DPYD: variants seen among roughly 807,000 people sequenced by gnomAD.
DPYD encodes the protein dihydropyrimidine dehydrogenase [NADP(+)].
In DPYD, 109 loss-of-function variants were observed where a neutral mutation model predicts 116.2. That is an observed-to-expected ratio of 0.94 (90% CI 0.80 to 1.10). The LOEUF is 1.10. Ranked by LOEUF, DPYD falls within the 50% of genes least tolerant of loss-of-function variation. The pLI, the probability that DPYD is intolerant of heterozygous loss-of-function variation, is 0.00. For synonymous variants in DPYD, 440 were observed against 432.0 expected, an observed-to-expected ratio of 1.02 and a Z score of -0.23; for missense variants, 1,302 against 1,254.5, an observed-to-expected ratio of 1.04 and a Z score of -0.57.
At chr1:97,315,439 C>T (rs1403065291) in intron 16 of DPYD, among the ~76,000 whole-genome samples, 1 of 151,920 alleles carries the variant, frequency 6.6e-6, no homozygotes, top group Non-Finnish European at 1.5e-5. Context: ...TATCAGGGTC[C>T]AATGGCTCCC....
chr1:97,193,727 C>A (rs1658551805), intron 19 of DPYD, among the ~76,000 whole-genome samples: 1 of 152,142 alleles, frequency 6.6e-6, no homozygotes, highest in African/African-American at 2.4e-5. Flanking sequence ...CTGTCTCCCT[C>A]CTCATCTGCT....
intron 3 of DPYD, among the ~76,000 whole-genome samples, chr1:97,827,893 T>A (rs77157605): frequency 6.6e-6 from 1 of 152,146 alleles, no homozygotes; most frequent in Non-Finnish European, 1.5e-5. Flanking sequence ...GCATTTTAAG[T>A]AACAAATTAA....
intron 3 of DPYD, among the ~76,000 whole-genome samples, chr1:97,823,202 T>C (rs1024417275): frequency 6.6e-6 from 1 of 152,156 alleles, no homozygotes; most frequent in Non-Finnish European, 1.5e-5. Context: ...TCACCCAGGC[T>C]GAAGGGCAGT....
intron 10 of DPYD, among the ~76,000 whole-genome samples, chr1:97,587,082 A>T (rs1654179508): frequency 6.6e-6 from 1 of 152,208 alleles, no homozygotes; most frequent in African/African-American, 2.4e-5. Context: ...AAGTGCTCCA[A>T]CTGTAATTCC....
chr1:97,656,966 A>ATTT (rs71590230), intron 8 of DPYD, among the ~76,000 whole-genome samples: 15 of 116,512 alleles, frequency 1.3e-4, no homozygotes, highest in Non-Finnish European at 2.6e-4. Context: ...GCATGATTGT[A>ATTT]TTTTTTTTTT....
chr1:97,721,546 G>A lies in DPYD; in HGVS notation c.447C>T (p.Pro149=), dbSNP rs759858246. 1.2e-6 allele frequency: 2 copies of A among 1,611,474 alleles called. No individual in the cohort carries two copies. Among genetic ancestry groups the A allele is most frequent in the Non-Finnish European group, 1.7e-6 (2 of 1,178,346 alleles). ...ATTGCTGCAATCCACCAATATTAAT[G>A]GGTCCCTCTTCAGTGGCATATAAAT... The part of the protein sequence containing the change: ...GCNLYATEEG[P]INIGGLQQFA... The change falls in exon 5 of 23, where the codon CCC becomes CCT. Residue 149 remains proline, a synonymous_variant. Transcript: ENST00000370192.
intron 12 of DPYD, among the ~76,000 whole-genome samples, chr1:97,539,059 T>C (rs989102419): frequency 1.3e-5 from 2 of 152,170 alleles, no homozygotes; most frequent in Non-Finnish European, 2.9e-5. Flanking sequence ...CAAACATATA[T>C]ATATACAGTA....
At position 97,506,821 on chromosome 1, in the gene DPYD, G is replaced by A. The variant is rs138306857; in HGVS notation, c.1740+8905C>T. 2.8e-3 allele frequency among the ~76,000 whole-genome samples: 428 copies of A among 151,984 alleles called. 1 individual carries two copies. The highest frequency in any genetic ancestry group is 9.4e-3 in the African/African-American group (389 of 41,510). ...ATTAAAAGATTTTTACTTAATATTC[G>A]AAATACATGCATTAAATTGTGTTTG... is the stretch of plus-strand genomic sequence containing the variant. On this transcript the variant is annotated intron_variant, in intron 13 of 22. Transcript: ENST00000370192.
intron 16 of DPYD, among the ~76,000 whole-genome samples, chr1:97,331,997 C>T (rs559054294): frequency 6.6e-6 from 1 of 152,154 alleles, no homozygotes; most frequent in Non-Finnish European, 1.5e-5. Flanking sequence ...TTATTTCTCT[C>T]GTATTCAAGG....
intron 6 of DPYD, among the ~76,000 whole-genome samples, chr1:97,698,267 G>T (rs1661409382): frequency 6.6e-6 from 1 of 151,546 alleles, no homozygotes; most frequent in Non-Finnish European, 1.5e-5. Context: ...AGTCAAATAA[G>T]ATTATATTAA....
intron 16 of DPYD, among the ~76,000 whole-genome samples, chr1:97,324,846 A>G (rs1035844744): frequency 6.6e-6 from 1 of 152,124 alleles, no homozygotes; most frequent in Non-Finnish European, 1.5e-5. Flanking sequence ...GATTTCTACA[A>G]GATGGATATG....
At chr1:97,167,802 T>C (rs1359282161) in intron 20 of DPYD, among the ~76,000 whole-genome samples, 23 of 152,302 alleles carry the variant, frequency 1.5e-4, no homozygotes, top group Admixed American at 1.4e-3. Context: ...TAGGGCTTTT[T>C]GTCTGATAGC....
chr1:97,481,159 A>C (rs887391371), intron 13 of DPYD, among the ~76,000 whole-genome samples: 1 of 152,158 alleles, frequency 6.6e-6, no homozygotes, highest in African/African-American at 2.4e-5. Flanking sequence ...AGAAAGAAAA[A>C]TGTAAGTAAT....
At chr1:97,188,289 C>T (rs1024736295) in intron 20 of DPYD, among the ~76,000 whole-genome samples, 1 of 152,082 alleles carries the variant, frequency 6.6e-6, no homozygotes, top group African/African-American at 2.4e-5. Flanking sequence ...ATTTTTGAAA[C>T]CTACTGAAAG....
chr1:97,277,384 AG>A (rs1327298958), intron 18 of DPYD, among the ~76,000 whole-genome samples: 1 of 151,706 alleles, frequency 6.6e-6, no homozygotes, highest in Non-Finnish European at 1.5e-5. Context: ...AAAAAAAAAA[AG>A]AGAACACAAA....
At chr1:97,637,588 G>A (rs976869320) in intron 8 of DPYD, among the ~76,000 whole-genome samples, 1 of 151,856 alleles carries the variant, frequency 6.6e-6, no homozygotes, top group Non-Finnish European at 1.5e-5. Context: ...TAGACCAGGA[G>A]ACATATATAT....
At chr1:97,851,769 A>G (rs1328926313) in intron 2 of DPYD, among the ~76,000 whole-genome samples, 3 of 151,728 alleles carry the variant, frequency 2.0e-5, no homozygotes, top group Non-Finnish European at 2.9e-5. Flanking sequence ...AAAGTTTTCT[A>G]TCAATTATAA....
chr1:97,556,232 T>C (rs140983881), intron 11 of DPYD, among the ~76,000 whole-genome samples: 2 of 152,340 alleles, frequency 1.3e-5, no homozygotes, highest in South Asian at 2.1e-4. Flanking sequence ...CTCATGAAAG[T>C]CTTTTAGCCT....
chr1:97,921,009 G>C lies in DPYD; in HGVS notation c.-87C>G. The C allele has an allele frequency of 2.6e-6, 4 of 1,521,446 alleles. No individual in the cohort carries two copies. Among genetic ancestry groups the C allele is most frequent in the Non-Finnish European group, 3.6e-6 (4 of 1,121,768 alleles). 94.2% of individuals were successfully genotyped at this position (1,521,446 alleles called of 1,614,324 possible). On this transcript the variant is annotated 5_prime_UTR_variant, in exon 1 of 23. Transcript: ENST00000370192. Reference sequence around the variant, plus strand: ...CCAGAGAGCCAAGTGACAGCAGCCGGAGCGCGAGTCGAAAACAGGCAGACT... The same window carrying C: ...CCAGAGAGCCAAGTGACAGCAGCCGCAGCGCGAGTCGAAAACAGGCAGACT...
Sources: allele counts gnomAD v4.1 joint callset (sites outside exome capture counted in the v4.1 genomes callset), GRCh38; gene constraint gnomAD v4.1.1; transcripts MANE v1.5; gene names NCBI Gene and HGNC (gene_info 2026-07-23, HGNC 2026-07-21).